Variants in TNRC6B observed in about 807,000 individuals in gnomAD.
The protein encoded by TNRC6B is trinucleotide repeat-containing gene 6B protein.
In TNRC6B, 52 loss-of-function variants were observed where a neutral mutation model predicts 203.6. The ratio of observed to expected loss-of-function variants is 0.26; its 90% CI spans 0.20 to 0.32. The LOEUF (loss-of-function observed/expected upper bound fraction) is 0.32. Among genes scored for constraint, TNRC6B ranks in the 10% least tolerant of loss-of-function variants. The pLI, the probability that TNRC6B is intolerant of heterozygous loss-of-function variation, is 1.00. For missense variants in TNRC6B, 1,923 were observed against 2,286.2 expected, an observed-to-expected ratio of 0.84 and a Z score of 3.24; for synonymous variants, 838 against 845.7, an observed-to-expected ratio of 0.99 and a Z score of 0.16.
chr22:40,179,369 G>T (rs1190281045), intron 1 of TNRC6B, among the ~76,000 whole-genome samples: 1 of 152,030 alleles, frequency 6.6e-6, no homozygotes, highest in East Asian at 1.9e-4. Flanking sequence ...ACCCCCCTGA[G>T]CACATCCCTG....
intron 1 of TNRC6B, among the ~76,000 whole-genome samples, chr22:40,195,708 C>T (rs911026992): frequency 6.3e-4 from 96 of 152,208 alleles, no homozygotes; most frequent in African/African-American, 2.1e-3. Context: ...CCTGCCTTTG[C>T]CTCCCAAGGT....
At chr22:40,170,331 T>TTA (rs1218579661) in intron 4 of TNRC6B, among the ~76,000 whole-genome samples, 1 of 99,342 alleles carries the variant, frequency 1.0e-5, no homozygotes, top group South Asian at 2.5e-4. Flanking sequence ...ATTATATATA[T>TTA]TATATATAGT....
intron 1 of TNRC6B, among the ~76,000 whole-genome samples, chr22:40,103,719 T>A (rs1470244482): frequency 1.3e-5 from 2 of 152,060 alleles, no homozygotes; most frequent in African/African-American, 2.4e-5. Context: ...CTTGGCTTCC[T>A]GCAACCTCTA....
At position 40,079,926 on chromosome 22, in the gene TNRC6B, G is replaced by C. The variant is rs1012210905; in HGVS notation, c.-121+34928G>C. Among the ~76,000 whole-genome samples the C allele has an allele frequency of 3.3e-5, 5 of 152,254 alleles. No individual in the cohort carries two copies. The South Asian group carries it at 1.0e-3, about 32-fold the overall frequency. Reference sequence around the variant, plus strand: ...TTCTCCTGCCTCAGCCTCCTGAGTAGCTAGGACTACAGGCGCCTGCCACCA... The same window carrying C: ...TTCTCCTGCCTCAGCCTCCTGAGTACCTAGGACTACAGGCGCCTGCCACCA... On this transcript the variant is annotated intron_variant, in intron 1 of 23. Coordinates refer to the TNRC6B transcript ENST00000301923.
intron 12 of TNRC6B, among the ~76,000 whole-genome samples, chr22:40,294,756 T>A (rs932172112): frequency 1.3e-5 from 2 of 152,210 alleles, no homozygotes; most frequent in Admixed American, 6.5e-5. Context: ...GAGTTTGAAA[T>A]TATTATATCA....
intron 4 of TNRC6B, among the ~76,000 whole-genome samples, chr22:40,162,065 A>G (rs931795786): frequency 6.6e-6 from 1 of 152,102 alleles, no homozygotes; most frequent in Non-Finnish European, 1.5e-5. Context: ...GTTTGTGGGA[A>G]GATCACTTGT....
Position 40,266,721 on chromosome 22 carries a change from C to T in TNRC6B, c.2491C>T (p.Pro831Ser), listed in dbSNP as rs2070486510. ...QQQQPPQQPP[P>S]PQPEASGSWG... ...GCAGCAGCCCCCACAGCAGCCGCCGCCACCACAACCAGAGGCTTCTGGTTC... is the reference window on the plus strand; with the variant it reads ...GCAGCAGCCCCCACAGCAGCCGCCGTCACCACAACCAGAGGCTTCTGGTTC... Residue 831 changes from proline (P) to serine (S), a missense_variant, in exon 5 of 23, where the codon CCA becomes TCA. Transcript: ENST00000454349. 6.2e-7 allele frequency: 1 copy of T among 1,613,882 alleles called. No homozygotes were observed. The highest frequency in any genetic ancestry group is 8.5e-7 in the Non-Finnish European group (1 of 1,179,886).
At chr22:40,203,144 A>G (rs1569019384) in intron 1 of TNRC6B, among the ~76,000 whole-genome samples, 1 of 152,128 alleles carries the variant, frequency 6.6e-6, no homozygotes. Flanking sequence ...TGGTGATCAC[A>G]TGTTGGTGAG....
chr22:40,050,235 A>G (rs1462322565), intron 1 of TNRC6B, among the ~76,000 whole-genome samples: 1 of 152,042 alleles, frequency 6.6e-6, no homozygotes, highest in Non-Finnish European at 1.5e-5. Context: ...CCCCTTTAGG[A>G]TTGTAGCATT....
chr22:40,283,744 G>A (rs2070747913), intron 11 of TNRC6B, among the ~76,000 whole-genome samples: 1 of 152,160 alleles, frequency 6.6e-6, no homozygotes, highest in Admixed American at 6.5e-5. Context: ...GGGGAGGGTG[G>A]AAATTGTCTA....
At chr22:40,280,843 C>T (rs1479703389) in intron 10 of TNRC6B, among the ~76,000 whole-genome samples, 1 of 152,078 alleles carries the variant, frequency 6.6e-6, no homozygotes, top group Non-Finnish European at 1.5e-5. Context: ...ATATTAGATG[C>T]GTAAAAATAA....
intron 2 of TNRC6B, chr22:40,246,388 C>T (rs911935295): frequency 9.7e-6 from 2 of 206,482 alleles, no homozygotes; most frequent in Non-Finnish European, 2.0e-5. Context: ...TGGGGTTTCT[C>T]CATGTTGGTC....
chr22:40,267,337 A>G (rs1176482052), intron 5 of TNRC6B, among the ~76,000 whole-genome samples: 1 of 152,218 alleles, frequency 6.6e-6, no homozygotes, highest in Non-Finnish European at 1.5e-5. Flanking sequence ...CAAACAAACT[A>G]TGTTCTAGAT....
chr22:40,135,754 G>A (rs2068594212), intron 3 of TNRC6B, among the ~76,000 whole-genome samples: 1 of 151,898 alleles, frequency 6.6e-6, no homozygotes, highest in Admixed American at 6.6e-5. Context: ...CTCCTGCCTC[G>A]GCCTCCCAAA....
chr22:40,316,368 A>C (rs1227194611), intron 21 of TNRC6B, among the ~76,000 whole-genome samples: 2 of 151,038 alleles, frequency 1.3e-5, no homozygotes, highest in Non-Finnish European at 3.0e-5. Context: ...AAAAAAACAA[A>C]AAAAAAAGAG....
intron 1 of TNRC6B, among the ~76,000 whole-genome samples, chr22:40,087,184 G>A (rs12157600): frequency 0.012 from 1,794 of 152,234 alleles, 35 homozygotes; most frequent in African/African-American, 0.041. Context: ...GATAAGAGAT[G>A]GAAATATATC....
chr22:40,186,213 G>A (rs2069200540), intron 1 of TNRC6B, among the ~76,000 whole-genome samples: 1 of 152,120 alleles, frequency 6.6e-6, no homozygotes, highest in Non-Finnish European at 1.5e-5. Flanking sequence ...GGCTCTGAAG[G>A]ACAGTCATTC....
intron 3 of TNRC6B, among the ~76,000 whole-genome samples, chr22:40,131,319 G>T (rs2068543363): frequency 6.6e-6 from 1 of 152,032 alleles, no homozygotes; most frequent in Non-Finnish European, 1.5e-5. Flanking sequence ...CTTGGAGAGA[G>T]ATGTTTATTG....
intron 4 of TNRC6B, among the ~76,000 whole-genome samples, chr22:40,162,150 G>C (rs2146358753): frequency 6.6e-6 from 1 of 152,248 alleles, no homozygotes; most frequent in South Asian, 2.1e-4. Flanking sequence ...AAACTGGAGT[G>C]CAATGGCGCA....
Sources: gnomAD v4.1 joint callset for allele counts (sites outside exome capture counted in the v4.1 genomes callset) on GRCh38, gnomAD v4.1.1 for gene constraint, MANE v1.5 for transcripts, NCBI Gene and HGNC (gene_info 2026-07-23, HGNC 2026-07-21) for gene names.